Variants in DMD observed in about 807,000 individuals in gnomAD.
DMD encodes dystrophin.
A neutral mutation model predicts 330.1 loss-of-function variants in DMD; 63 were observed. The observed-to-expected ratio is 0.19, with a 90% CI of 0.16 to 0.24. The LOEUF (loss-of-function observed/expected upper bound fraction) is 0.24. Ranked by LOEUF, DMD falls within the 10% of genes least tolerant of loss-of-function variation. The probability of loss-of-function intolerance (pLI) is 1.00; values close to 1 mark genes in which losing one functional copy is unlikely to be tolerated. For synonymous variants in DMD, 1,223 were observed against 959.8 expected (o/e 1.27, Z -5.07); for missense variants, 3,344 against 2,684.1 (o/e 1.25, Z -5.43).
chrX:32,492,205 G>C (rs2043068872), intron 19 of DMD, among the ~76,000 whole-genome samples: 1 of 111,211 alleles, frequency 9.0e-6, no homozygotes, highest in Non-Finnish European at 1.9e-5. Flanking sequence ...GGGCGTGGTG[G>C]CGGGCGCCTG....
intron 62 of DMD, among the ~76,000 whole-genome samples, chrX:31,313,046 C>A (rs112414822): frequency 2.0e-5 from 2 of 102,419 alleles, no homozygotes; most frequent in African/African-American, 3.7e-5. Flanking sequence ...CAAACCTGCA[C>A]GTTCTGCACA....
intron 62 of DMD, among the ~76,000 whole-genome samples, chrX:31,318,878 C>G (rs192393582): frequency 1.8e-5 from 2 of 112,040 alleles, no homozygotes; most frequent in Non-Finnish European, 3.8e-5. Flanking sequence ...ATTTAGCAAC[C>G]ACAGCGTCTT....
At chrX:31,785,350 T>C (rs1363434861) in intron 50 of DMD, among the ~76,000 whole-genome samples, 5 of 112,094 alleles carry the variant, frequency 4.5e-5, no homozygotes, top group African/African-American at 1.6e-4. Flanking sequence ...GAAAACATTC[T>C]AGAGATCTGT....
At chrX:32,672,299 T>C (rs933204844) in intron 9 of DMD, among the ~76,000 whole-genome samples, 4 of 111,169 alleles carry the variant, frequency 3.6e-5, no homozygotes, top group Non-Finnish European at 5.7e-5. Context: ...ATGCAGTGGA[T>C]ATAAAACACA....
intron 42 of DMD, among the ~76,000 whole-genome samples, chrX:32,294,636 T>C (rs902884624): frequency 4.5e-5 from 5 of 111,253 alleles, no homozygotes; most frequent in Middle Eastern, 4.3e-3. Flanking sequence ...AAGCAAAAAC[T>C]GGGGCAGGGG....
intron 1 of DMD, among the ~76,000 whole-genome samples, chrX:33,131,296 TC>T (rs919589155): frequency 9.0e-6 from 1 of 110,844 alleles, no homozygotes; most frequent in Non-Finnish European, 1.9e-5. Flanking sequence ...CTGAAGAACT[TC>T]TTTAAGAAAA....
chrX:32,742,140 C>G (rs903363327), intron 7 of DMD, among the ~76,000 whole-genome samples: 1 of 111,610 alleles, frequency 9.0e-6, no homozygotes, highest in Non-Finnish European at 1.9e-5. Context: ...TACACAGCTA[C>G]CACCCATTCC....
chrX:32,853,504 A>T (rs2081296181), intron 2 of DMD, among the ~76,000 whole-genome samples: 1 of 111,421 alleles, frequency 9.0e-6, no homozygotes, highest in African/African-American at 3.3e-5. Flanking sequence ...TTGTTTATGC[A>T]ACCAGTGTTG....
chrX:32,442,676 T>C (rs768687502), intron 27 of DMD, among the ~76,000 whole-genome samples: 32 of 110,927 alleles, frequency 2.9e-4, no homozygotes, highest in Non-Finnish European at 5.3e-4. Context: ...CTGTTTAACA[T>C]GGATAACAAG....
In DMD at chrX:32,823,480, T is replaced by C. The variant is rs191637834; in HGVS notation, c.265-93A>G. On this transcript the variant is annotated intron_variant, in intron 4 of 78. Transcript: ENST00000357033. ...ATAAAAACGTGAAGGTAATTGCATT[T>C]AGCTATTTTCAGAGACTTAGCATTG... The C allele has an allele frequency of 4.4e-5, 28 of 643,541 alleles. No individual in the cohort carries two copies. The Middle Eastern group carries it at 1.0e-3, about 24-fold the overall frequency. The allele number at this position is 643,541 out of a possible 1,213,427, so 53.0% of individuals were successfully genotyped here. A position where few individuals can be genotyped will look rare whatever the true frequency, so the allele number is the denominator to read the frequency against.
At chrX:32,686,000 G>A (rs1193222728) in intron 9 of DMD, among the ~76,000 whole-genome samples, 1 of 110,891 alleles carries the variant, frequency 9.0e-6, no homozygotes, top group East Asian at 2.8e-4. Flanking sequence ...ATGCTTAAGG[G>A]GGTAAACTCT....
At chrX:32,697,462 G>C (rs938791658) in intron 9 of DMD, among the ~76,000 whole-genome samples, 1 of 111,903 alleles carries the variant, frequency 8.9e-6, no homozygotes, top group African/African-American at 3.2e-5. Flanking sequence ...TAGAATGTAT[G>C]TATTTCCTTT....
At position 33,269,053 on chromosome X, in the gene DMD, G is replaced by C. The variant is rs773964541; in HGVS notation, c.7+70206C>G. On this transcript the variant is annotated intron_variant, in intron 1 of 17. Transcript: ENST00000288447. ...GAGATTTCTCACAGAACTTAAAACA[G>C]ATCTATCATTCAATTCAGCAATCCC... Among the ~76,000 whole-genome samples, 7 of 111,245 alleles carry C rather than the reference G, an allele frequency of 6.3e-5. No homozygotes were observed. In the East Asian group the frequency reaches 2.0e-3, roughly 31 times the overall value.
chrX:32,380,710 A>G, intron 33 of DMD, 30 bp from the exon 34 acceptor site: 1 of 1,164,429 alleles, frequency 8.6e-7, no homozygotes, highest in African/African-American at 1.7e-5. Flanking sequence ...AATGTAATTT[A>G]GTTTACTCTT....
intron 62 of DMD, chrX:31,266,685 G>T: frequency 1.4e-6 from 1 of 714,283 alleles, no homozygotes; most frequent in Non-Finnish European, 2.1e-6. Context: ...ACGCCCAGCC[G>T]CCCGGCGCCC....
intron 47 of DMD, among the ~76,000 whole-genome samples, chrX:31,921,360 G>C (rs1398788170): frequency 8.9e-6 from 1 of 111,907 alleles, no homozygotes; most frequent in Non-Finnish European, 1.9e-5. Context: ...GTTGGTCATA[G>C]AAAATGAAAG....
At chrX:31,850,487 T>C (rs1246848311) in intron 48 of DMD, among the ~76,000 whole-genome samples, 6 of 112,088 alleles carry the variant, frequency 5.4e-5, no homozygotes, top group Non-Finnish European at 1.1e-4. Context: ...CTGTGTACCT[T>C]TGACCAATAG....
intron 55 of DMD, among the ~76,000 whole-genome samples, chrX:31,590,636 A>G (rs1278638394): frequency 1.8e-5 from 2 of 111,258 alleles, no homozygotes; most frequent in African/African-American, 6.5e-5. Flanking sequence ...CACATCACCA[A>G]TATCCAAACC....
intron 2 of DMD, among the ~76,000 whole-genome samples, chrX:33,001,098 AG>A (rs1425149028): frequency 8.9e-6 from 1 of 111,877 alleles, no homozygotes; most frequent in East Asian, 2.8e-4. Flanking sequence ...CATGATAAAA[AG>A]GGGGAAACAC....
Sources: allele counts gnomAD v4.1 joint callset (sites outside exome capture counted in the v4.1 genomes callset), GRCh38; gene constraint gnomAD v4.1.1; transcripts MANE v1.5; gene names NCBI Gene and HGNC (gene_info 2026-07-23, HGNC 2026-07-21).